GPC6: variants seen among roughly 807,000 people sequenced by gnomAD.
The protein encoded by GPC6 is glypican-6.
In GPC6, 14 loss-of-function variants were observed where a neutral mutation model predicts 55.2. That is an observed-to-expected ratio of 0.25 (90% CI 0.17 to 0.40). GPC6 has a LOEUF of 0.40. Ranked by LOEUF, GPC6 falls within the 10% of genes least tolerant of loss-of-function variation. GPC6 has a pLI of 1.00. For synonymous variants in GPC6, 278 were observed against 259.6 expected (o/e 1.07, Z -0.68); for missense variants, 641 against 708.5 (o/e 0.90, Z 1.08).
intron 2 of GPC6, among the ~76,000 whole-genome samples, chr13:93,548,773 G>T (rs1274919264): frequency 1.3e-5 from 2 of 151,944 alleles, no homozygotes; most frequent in African/African-American, 4.8e-5. Context: ...TACCTGAGAG[G>T]CAACAAATTT....
chr13:94,312,714 GCGCA>G (rs1206674891), intron 6 of GPC6, among the ~76,000 whole-genome samples: 4 of 127,986 alleles, frequency 3.1e-5, no homozygotes, highest in East Asian at 2.3e-4. Flanking sequence ...ACACGCACAC[GCGCA>G]CGCACACACA....
At chr13:94,394,592 G>A (rs1215402320) in intron 7 of GPC6, among the ~76,000 whole-genome samples, 1 of 152,136 alleles carries the variant, frequency 6.6e-6, no homozygotes, top group African/African-American at 2.4e-5. Context: ...GGCTCATGAG[G>A]TCCTCATGCT....
intron 2 of GPC6, among the ~76,000 whole-genome samples, chr13:93,586,028 A>G (rs1423541621): frequency 6.6e-6 from 1 of 152,044 alleles, no homozygotes; most frequent in African/African-American, 2.4e-5. Context: ...AACTTGTATC[A>G]TGGGGGTTTG....
intron 2 of GPC6, among the ~76,000 whole-genome samples, chr13:93,589,034 C>A (rs753994150): frequency 6.6e-6 from 1 of 152,064 alleles, no homozygotes; most frequent in Non-Finnish European, 1.5e-5. Flanking sequence ...AAAATCAAAA[C>A]CCTTAAAATA....
At chr13:93,237,634 C>A (rs1309330011) in intron 1 of GPC6, among the ~76,000 whole-genome samples, 1 of 152,072 alleles carries the variant, frequency 6.6e-6, no homozygotes, top group Admixed American at 6.5e-5. Flanking sequence ...GTCATAAATT[C>A]TTTGCCTAGG....
chr13:93,345,383 A>T (rs535055460), intron 1 of GPC6, among the ~76,000 whole-genome samples: 1 of 152,112 alleles, frequency 6.6e-6, no homozygotes, highest in South Asian at 2.1e-4. Context: ...TGATGATATC[A>T]GTATTGCTGT....
chr13:93,518,863 A>T (rs942800622), intron 1 of GPC6, among the ~76,000 whole-genome samples: 18 of 152,056 alleles, frequency 1.2e-4, no homozygotes, highest in Non-Finnish European at 2.4e-4. Context: ...CATCAGTATA[A>T]AAGAACAGGA....
intron 3 of GPC6, among the ~76,000 whole-genome samples, chr13:93,873,071 AC>A: frequency 6.6e-6 from 1 of 151,274 alleles, no homozygotes; most frequent in African/African-American, 2.4e-5. Flanking sequence ...CTAAACATAC[AC>A]CCTTTAACTA....
chr13:94,007,433 GTGACTAGTGTTCTTGCA>G (rs1882066947), intron 3 of GPC6, among the ~76,000 whole-genome samples: 2 of 152,272 alleles, frequency 1.3e-5, no homozygotes, highest in South Asian at 4.1e-4. Context: ...TAGATATTGC[GTGACTAGTGTTCTTGCA>G]TGCTGCCCAT....
rs567392428 is a variant in GPC6 at position 93,423,243 on chromosome 13, T to A, written c.161-122020T>A. On this transcript the variant is annotated intron_variant, in intron 1 of 8. Transcript: ENST00000377047. ...AAAATAACCATCACACAGGACTGAA[T>A]GTCTTCCGATCAGGCCAGGTGTATC... is the stretch of plus-strand genomic sequence containing the variant. Among the ~76,000 whole-genome samples the A allele has an allele frequency of 1.6e-4, 25 of 152,178 alleles. 1 individual carries two copies. Among genetic ancestry groups the A allele is most frequent in the Non-Finnish European group, 3.1e-4 (21 of 68,028 alleles).
At chr13:93,352,684 A>G (rs962357830) in intron 1 of GPC6, among the ~76,000 whole-genome samples, 1 of 152,160 alleles carries the variant, frequency 6.6e-6, no homozygotes, top group Non-Finnish European at 1.5e-5. Context: ...GAGAATTTAT[A>G]GAGAGGTAAG....
chr13:94,045,573 A>G (rs1566331100), intron 4 of GPC6, among the ~76,000 whole-genome samples: 1 of 151,922 alleles, frequency 6.6e-6, no homozygotes, highest in East Asian at 1.9e-4. Context: ...ACATTGAGAA[A>G]AAGGTAGAAC....
At chr13:94,149,526 A>G (rs560481546) in intron 4 of GPC6, among the ~76,000 whole-genome samples, 1 of 152,282 alleles carries the variant, frequency 6.6e-6, no homozygotes, top group South Asian at 2.1e-4. Flanking sequence ...TTGAACATCC[A>G]TGCAGAACAG....
At chr13:93,755,161 T>C (rs1292395432) in intron 2 of GPC6, among the ~76,000 whole-genome samples, 1 of 152,176 alleles carries the variant, frequency 6.6e-6, no homozygotes, top group Non-Finnish European at 1.5e-5. Flanking sequence ...TTTTTGCCAT[T>C]TGAAGAGATC....
At chr13:93,844,596 C>A (rs1171637585) in intron 3 of GPC6, among the ~76,000 whole-genome samples, 1 of 149,780 alleles carries the variant, frequency 6.7e-6, no homozygotes. Flanking sequence ...TTGTAGGTTG[C>A]CTGTTCACTC....
chr13:93,940,413 A>G (rs1054293641), intron 3 of GPC6, among the ~76,000 whole-genome samples: 30 of 150,048 alleles, frequency 2.0e-4, no homozygotes, highest in Middle Eastern at 3.4e-3. Flanking sequence ...TGGATGGATG[A>G]ATGGATGGAT....
At chr13:93,944,560 C>A (rs1224260705) in intron 3 of GPC6, among the ~76,000 whole-genome samples, 1 of 152,182 alleles carries the variant, frequency 6.6e-6, no homozygotes, top group Non-Finnish European at 1.5e-5. Flanking sequence ...ACATAAGATA[C>A]CTACATGTCA....
chr13:93,865,473 C>A (rs1044825227), intron 3 of GPC6, among the ~76,000 whole-genome samples: 15 of 151,784 alleles, frequency 9.9e-5, no homozygotes, highest in African/African-American at 3.4e-4. Flanking sequence ...GTTTAAGTGG[C>A]TTTCCAGATA....
At chr13:94,052,853 T>A (rs547387818) in intron 4 of GPC6, among the ~76,000 whole-genome samples, 1 of 152,234 alleles carries the variant, frequency 6.6e-6, no homozygotes, top group African/African-American at 2.4e-5. Context: ...CTCTGGCTCA[T>A]TGAACTCTCA....
Sources: allele counts gnomAD v4.1 joint callset (sites outside exome capture counted in the v4.1 genomes callset), GRCh38; gene constraint gnomAD v4.1.1; transcripts MANE v1.5; gene names NCBI Gene and HGNC (gene_info 2026-07-23, HGNC 2026-07-21).